The following XPA variants were observed in gnomAD, a reference collection of about 807,000 sequenced individuals.
The protein encoded by XPA is DNA repair protein complementing XP-A cells.
XPA carries 27 observed loss-of-function variants against 35.7 expected under a neutral mutation model. The ratio of observed to expected loss-of-function variants is 0.76; its 90% CI spans 0.56 to 1.04. XPA has a LOEUF of 1.04. XPA is among the 50% of genes least tolerant of loss of function. The pLI, the probability that XPA is intolerant of heterozygous loss-of-function variation, is 0.00. For missense variants in XPA, 354 were observed against 342.7 expected, an observed-to-expected ratio of 1.03 and a Z score of -0.26; for synonymous variants, 133 against 118.4, an observed-to-expected ratio of 1.12 and a Z score of -0.80.
In XPA at chr9:97,693,822, A is replaced by G. The variant is rs1828964287; in HGVS notation, c.173-63T>C. On this transcript the variant is annotated intron_variant, in intron 1 of 5. Coordinates refer to ENST00000375128, the MANE Select transcript of XPA (RefSeq NM_000380.4). ...GGTAAGCCTGTATGTTACCTTGTTC[A>G]TAAATAGAAAATTCCTTTGAATTCA... 1.4e-5 allele frequency: 21 copies of G among 1,471,178 alleles called. No individual in the cohort carries two copies. The South Asian group carries it at 1.7e-4, about 12-fold the overall frequency. The allele number at this position is 1,471,178 out of a possible 1,614,324, so 91.1% of individuals were successfully genotyped here.
intron 3 of XPA, among the ~76,000 whole-genome samples, chr9:97,688,736 T>C (rs1012652559): frequency 4.6e-5 from 7 of 152,142 alleles, no homozygotes; most frequent in Non-Finnish European, 1.0e-4. Flanking sequence ...GGACCACATC[T>C]CCCTCTCTAT....
At chr9:97,685,822 A>G (rs1828700114) in intron 4 of XPA, among the ~76,000 whole-genome samples, 3 of 152,246 alleles carry the variant, frequency 2.0e-5, no homozygotes, top group Admixed American at 6.5e-5. Flanking sequence ...TACTTTAACA[A>G]CTGTGAGTCA....
the XPA span, among the ~76,000 whole-genome samples, chr9:97,663,466 A>C: frequency 1.3e-5 from 2 of 152,040 alleles, no homozygotes; most frequent in Non-Finnish European, 2.9e-5. Flanking sequence ...TATTTTTTTG[A>C]ATACGTATTA....
chr9:97,693,789 T>C (rs1378501126), intron 1 of XPA, 30 bp from the exon 2 acceptor site: 8 of 1,597,796 alleles, frequency 5.0e-6, no homozygotes, highest in South Asian at 3.3e-5. Context: ...CAGTCAACAA[T>C]TGAAGTAGGT....
the XPA span, chr9:97,669,788 G>T: frequency 1.0e-6 from 1 of 977,986 alleles, no homozygotes; most frequent in African/African-American, 1.6e-5. Context: ...TGTCAAATTT[G>T]TTAGGAGGTT....
the XPA span, chr9:97,663,005 T>C: frequency 3.7e-6 from 6 of 1,613,108 alleles, no homozygotes; most frequent in East Asian, 2.2e-5. Context: ...GAAAGTTACA[T>C]GTGCTAAGAG....
chr9:97,657,906 C>CTCTA, the XPA span, among the ~76,000 whole-genome samples: 44 of 127,474 alleles, frequency 3.5e-4, no homozygotes, highest in East Asian at 2.1e-3. Context: ...CTCTCTCTCT[C>CTCTA]TATATATATA....
At chr9:97,668,884 C>T in the XPA span, 29 of 1,613,176 alleles carry the variant, frequency 1.8e-5, no homozygotes, top group South Asian at 9.9e-5. Flanking sequence ...ACAGGAAAGA[C>T]GGGGTTCTTG....
chr9:97,655,961 G>T, the XPA span: 2 of 1,520,972 alleles, frequency 1.3e-6, no homozygotes, highest in African/African-American at 1.4e-5. Context: ...ACAAATGGGT[G>T]TAAGTGCAGA....
At chr9:97,696,891 T>G (rs1829059161) in intron 1 of XPA, among the ~76,000 whole-genome samples, 1 of 152,126 alleles carries the variant, frequency 6.6e-6, no homozygotes, top group African/African-American at 2.4e-5. Flanking sequence ...GGCCCGGGGC[T>G]GGGGGTCAGG....
At chr9:97,666,545 CA>C in the XPA span, among the ~76,000 whole-genome samples, 1 of 152,198 alleles carries the variant, frequency 6.6e-6, no homozygotes, top group Non-Finnish European at 1.5e-5. Context: ...GTGCTGCCCT[CA>C]GGGGGCTCGC....
At chr9:97,668,511 A>G in the XPA span, among the ~76,000 whole-genome samples, 2 of 152,174 alleles carry the variant, frequency 1.3e-5, no homozygotes, top group Non-Finnish European at 2.9e-5. Context: ...TTAGCAGATG[A>G]ATGATTAGCA....
downstream of XPA, among the ~76,000 whole-genome samples, chr9:97,670,783 T>C (rs1471445499): frequency 6.6e-6 from 1 of 152,210 alleles, no homozygotes; most frequent in Non-Finnish European, 1.5e-5. Flanking sequence ...CTGAGCCTAG[T>C]CCGTAATAGT....
the XPA span, among the ~76,000 whole-genome samples, chr9:97,667,581 T>TA: frequency 6.6e-6 from 1 of 152,100 alleles, no homozygotes; most frequent in Non-Finnish European, 1.5e-5. Flanking sequence ...AAGTGAGACA[T>TA]AGAGAAGTTA....
At chr9:97,693,072 A>C in intron 2 of XPA, among the ~76,000 whole-genome samples, 1 of 140,530 alleles carries the variant, frequency 7.1e-6, no homozygotes, top group South Asian at 2.2e-4. Flanking sequence ...TTTTTAATAA[A>C]AAGCTGTTAT....
At chr9:97,683,494 T>C (rs900237198) in intron 5 of XPA, among the ~76,000 whole-genome samples, 1 of 152,156 alleles carries the variant, frequency 6.6e-6, no homozygotes, top group African/African-American at 2.4e-5. Flanking sequence ...GATTCAGGAA[T>C]TGCTAAGTAA....
At chr9:97,668,212 G>C in the XPA span, among the ~76,000 whole-genome samples, 1 of 152,200 alleles carries the variant, frequency 6.6e-6, no homozygotes, top group African/African-American at 2.4e-5. Flanking sequence ...GTGATGCTGG[G>C]AAAGTCATCT....
intron 4 of XPA, among the ~76,000 whole-genome samples, chr9:97,686,817 T>A (rs186276117): frequency 1.3e-5 from 2 of 152,142 alleles, no homozygotes; most frequent in Non-Finnish European, 2.9e-5. Flanking sequence ...GTGGAAGGAT[T>A]ACCTGAGCCC....
At chr9:97,676,695 A>C (rs1413790171) in intron 5 of XPA, among the ~76,000 whole-genome samples, 1 of 152,236 alleles carries the variant, frequency 6.6e-6, no homozygotes, top group East Asian at 1.9e-4. Flanking sequence ...CTTTAAGATA[A>C]GTAGAATTAC....
Sources: allele counts gnomAD v4.1 joint callset (sites outside exome capture counted in the v4.1 genomes callset), GRCh38; gene constraint gnomAD v4.1.1; transcripts MANE v1.5; gene names NCBI Gene and HGNC (gene_info 2026-07-23, HGNC 2026-07-21).